Variants in RBFOX1 observed in about 807,000 individuals in gnomAD.
The protein encoded by RBFOX1 is RNA binding protein fox-1 homolog 1.
A neutral mutation model predicts 57.7 loss-of-function variants in RBFOX1; 8 were observed. That is an observed-to-expected ratio of 0.14 (90% CI 0.08 to 0.25). The LOEUF (loss-of-function observed/expected upper bound fraction) is 0.25. Ranked by LOEUF, RBFOX1 falls within the 10% of genes least tolerant of loss-of-function variation. The pLI is 1.00. For missense variants in RBFOX1, 611 were observed against 548.5 expected (o/e 1.11, Z -1.14); for synonymous variants, 326 against 222.4 (o/e 1.47, Z -4.15).
chr16:5,859,736 T>C (rs955052951), intron 3 of RBFOX1, among the ~76,000 whole-genome samples: 1 of 152,234 alleles, frequency 6.6e-6, no homozygotes, highest in Non-Finnish European at 1.5e-5. Context: ...CTATTTCCAT[T>C]TTACAGGTAT....
chr16:5,608,061 C>T (rs902073007), intron 3 of RBFOX1, among the ~76,000 whole-genome samples: 7 of 152,180 alleles, frequency 4.6e-5, no homozygotes, highest in Non-Finnish European at 8.8e-5. Flanking sequence ...AGAATAGGCA[C>T]ATGTTTAATT....
intron 2 of RBFOX1, among the ~76,000 whole-genome samples, chr16:5,511,869 T>A (rs2043605446): frequency 6.6e-6 from 1 of 152,076 alleles, no homozygotes; most frequent in Non-Finnish European, 1.5e-5. Flanking sequence ...CCCAGCAGAG[T>A]TGAGTACATC....
intron 4 of RBFOX1, among the ~76,000 whole-genome samples, chr16:7,331,851 G>C (rs1436670549): frequency 6.6e-6 from 1 of 151,938 alleles, no homozygotes; most frequent in East Asian, 1.9e-4. Context: ...TCATCCCCTA[G>C]GAATTTATCT....
chr16:5,486,065 A>G (rs1220711903), intron 2 of RBFOX1, among the ~76,000 whole-genome samples: 2 of 152,132 alleles, frequency 1.3e-5, no homozygotes, highest in Non-Finnish European at 2.9e-5. Flanking sequence ...AATTTTGACA[A>G]TTCTTTTCTC....
chr16:7,588,225 A>G (rs935741070), intron 7 of RBFOX1, among the ~76,000 whole-genome samples: 1 of 152,176 alleles, frequency 6.6e-6, no homozygotes, highest in Non-Finnish European at 1.5e-5. Context: ...AGAAGAGAAA[A>G]ACAGAAACAT....
At chr16:6,868,192 C>T (rs577705568) in intron 3 of RBFOX1, among the ~76,000 whole-genome samples, 10 of 152,198 alleles carry the variant, frequency 6.6e-5, no homozygotes, top group African/African-American at 1.7e-4. Flanking sequence ...TTCAGTGCTA[C>T]ATGTTACAGC....
At chr16:6,466,411 C>A (rs1027797830) in intron 2 of RBFOX1, among the ~76,000 whole-genome samples, 1 of 152,112 alleles carries the variant, frequency 6.6e-6, no homozygotes, top group Non-Finnish European at 1.5e-5. Context: ...TCTCAGCCAC[C>A]ACCTGAAGTA....
At chr16:6,972,091 C>A (rs1414645692) in intron 3 of RBFOX1, among the ~76,000 whole-genome samples, 1 of 152,070 alleles carries the variant, frequency 6.6e-6, no homozygotes, top group African/African-American at 2.4e-5. Flanking sequence ...CATTTTTTTC[C>A]CATTGTGCTA....
rs575361034 is a variant in RBFOX1, at chr16:5,303,536, G to T, written c.219+63431G>T. Among the ~76,000 whole-genome samples the T allele has an allele frequency of 1.4e-4, 21 of 152,288 alleles. No individual in the cohort carries two copies. In the East Asian group the frequency reaches 2.3e-3, roughly 17 times the overall value. Reference sequence around the variant, plus strand: ...CTGAAACCCTGGAGAAAAGCTGGCTGTGGGAGTCACAGATGCCAGTGTTTT... The same window carrying T: ...CTGAAACCCTGGAGAAAAGCTGGCTTTGGGAGTCACAGATGCCAGTGTTTT... On this transcript the variant is annotated intron_variant, in intron 1 of 2. Transcript: ENST00000585867.
chr16:7,578,369 G>A (rs1186656871), intron 5 of RBFOX1, among the ~76,000 whole-genome samples: 1 of 152,140 alleles, frequency 6.6e-6, no homozygotes, highest in Non-Finnish European at 1.5e-5. Flanking sequence ...TCAACTGGTA[G>A]GTCTTTTGAT....
At chr16:6,411,232 G>T (rs1249004195) in intron 2 of RBFOX1, among the ~76,000 whole-genome samples, 1 of 152,144 alleles carries the variant, frequency 6.6e-6, no homozygotes, top group Non-Finnish European at 1.5e-5. Context: ...TTCTCCTGCT[G>T]GGACCTCCCA....
At chr16:5,399,442 G>A (rs1368730533) in intron 1 of RBFOX1, among the ~76,000 whole-genome samples, 1 of 152,210 alleles carries the variant, frequency 6.6e-6, no homozygotes, top group East Asian at 1.9e-4. Flanking sequence ...AAAGGAGAAA[G>A]TAAGAATTGC....
chr16:7,040,526 CA>C (rs2045821437), intron 3 of RBFOX1, among the ~76,000 whole-genome samples: 1 of 152,046 alleles, frequency 6.6e-6, no homozygotes, highest in African/African-American at 2.4e-5. Flanking sequence ...TAACAGAATC[CA>C]AGATTAAAAA....
At chr16:5,796,386 T>A (rs1347587) in intron 3 of RBFOX1, among the ~76,000 whole-genome samples, 89,607 of 152,058 alleles carry the variant, frequency 0.59, 28,866 homozygotes, top group African/African-American at 0.87. Flanking sequence ...GGACCAAATA[T>A]ATCCACAGTG....
At chr16:6,801,378 C>T (rs920140454) in intron 3 of RBFOX1, among the ~76,000 whole-genome samples, 1 of 152,124 alleles carries the variant, frequency 6.6e-6, no homozygotes, top group Non-Finnish European at 1.5e-5. Flanking sequence ...GTAATTGCAT[C>T]TATCTTTATA....
At chr16:6,382,542 G>C (rs1310781576) in intron 2 of RBFOX1, among the ~76,000 whole-genome samples, 1 of 152,190 alleles carries the variant, frequency 6.6e-6, no homozygotes, top group Non-Finnish European at 1.5e-5. Flanking sequence ...ATGAGGAGAA[G>C]CCTAGCTTCA....
At chr16:6,841,834 T>C (rs750088169) in intron 3 of RBFOX1, among the ~76,000 whole-genome samples, 1 of 152,056 alleles carries the variant, frequency 6.6e-6, no homozygotes, top group African/African-American at 2.4e-5. Flanking sequence ...AGGTAGAATT[T>C]TTTAGCATAA....
intron 4 of RBFOX1, among the ~76,000 whole-genome samples, chr16:5,878,193 C>G (rs2057665237): frequency 6.6e-6 from 1 of 152,136 alleles, no homozygotes; most frequent in Admixed American, 6.6e-5. Context: ...ATGAAGGGCA[C>G]TGAAGGTGAC....
intron 3 of RBFOX1, among the ~76,000 whole-genome samples, chr16:6,973,946 G>T (rs1472692692): frequency 1.3e-5 from 2 of 152,056 alleles, no homozygotes; most frequent in Admixed American, 1.3e-4. Flanking sequence ...TCTCCCAGCA[G>T]ACCCCAGTGT....
Sources: allele counts gnomAD v4.1 joint callset (sites outside exome capture counted in the v4.1 genomes callset), GRCh38; gene constraint gnomAD v4.1.1; transcripts MANE v1.5; gene names NCBI Gene and HGNC (gene_info 2026-07-23, HGNC 2026-07-21).